Variants in LRRC53 observed in about 807,000 individuals in gnomAD.
The protein encoded by LRRC53 is leucine-rich repeat-containing protein 53.
In LRRC53, 25 loss-of-function variants were observed where a neutral mutation model predicts 13.6. The ratio of observed to expected loss-of-function variants is 1.83; its 90% CI spans 1.34 to 2.56. The LOEUF is 2.56. Among genes scored for constraint, LRRC53 ranks in the 30% most tolerant of loss-of-function variants. LRRC53 has a pLI of 0.00. For missense variants in LRRC53, 527 were observed against 275.8 expected (o/e 1.91, Z -6.45); for synonymous variants, 204 against 109.8 (o/e 1.86, Z -5.37).
At chr1:74,531,130 T>C in the LRRC53 span, among the ~76,000 whole-genome samples, 1 of 152,172 alleles carries the variant, frequency 6.6e-6, no homozygotes, top group Non-Finnish European at 1.5e-5. Flanking sequence ...CATTTGCCAT[T>C]GAAAGAAAAC....
chr1:74,506,917 A>G (rs1375265130), intron 1 of LRRC53, among the ~76,000 whole-genome samples: 1 of 152,022 alleles, frequency 6.6e-6, no homozygotes, highest in Admixed American at 6.6e-5. Context: ...TTCATTTACC[A>G]CTTTCTACTT....
intron 1 of LRRC53, among the ~76,000 whole-genome samples, chr1:74,490,795 C>A (rs764971530): frequency 1.3e-5 from 2 of 152,262 alleles, no homozygotes; most frequent in South Asian, 2.1e-4. Flanking sequence ...GAAAGCAGGA[C>A]CCTAGATCTT....
the LRRC53 span, among the ~76,000 whole-genome samples, chr1:74,535,216 C>A: frequency 2.6e-5 from 4 of 152,130 alleles, no homozygotes; most frequent in South Asian, 8.3e-4. Flanking sequence ...GTGGCTCACA[C>A]CTGTAATCCA....
chr1:74,510,546 G>C (rs1429231026), intron 1 of LRRC53, among the ~76,000 whole-genome samples: 1 of 151,968 alleles, frequency 6.6e-6, no homozygotes, highest in Non-Finnish European at 1.5e-5. Context: ...TTGAGAGATT[G>C]TCAAATCTCT....
chr1:74,473,154 T>C (rs1424661092), intron 4 of LRRC53, among the ~76,000 whole-genome samples: 1 of 152,150 alleles, frequency 6.6e-6, no homozygotes, highest in African/African-American at 2.4e-5. Flanking sequence ...AGCTAGGCAT[T>C]GTGCTCATAA....
chr1:74,531,026 A>G, the LRRC53 span, among the ~76,000 whole-genome samples: 1 of 152,156 alleles, frequency 6.6e-6, no homozygotes, highest in Non-Finnish European at 1.5e-5. Flanking sequence ...TCCTTTAAAA[A>G]TGGGGGAAGC....
At chr1:74,519,991 T>C in the LRRC53 span, among the ~76,000 whole-genome samples, 1 of 152,174 alleles carries the variant, frequency 6.6e-6, no homozygotes, top group Admixed American at 6.5e-5. Flanking sequence ...TTGCCCAAGC[T>C]CATTTATGTA....
chr1:74,502,066 C>G (rs1022290027), intron 1 of LRRC53, among the ~76,000 whole-genome samples: 1 of 151,984 alleles, frequency 6.6e-6, no homozygotes, highest in Admixed American at 6.6e-5. Flanking sequence ...TTGCTTGGAC[C>G]CATGATGTAT....
chr1:74,497,984 TTTTG>T (rs1034612222), intron 1 of LRRC53, among the ~76,000 whole-genome samples: 17 of 152,228 alleles, frequency 1.1e-4, no homozygotes, highest in East Asian at 5.8e-4. Context: ...TGGGAGGCTT[TTTTG>T]TTTGTTTGTT....
chr1:74,504,921 T>A (rs1357263257), intron 1 of LRRC53, among the ~76,000 whole-genome samples: 2 of 152,194 alleles, frequency 1.3e-5, no homozygotes, highest in African/African-American at 4.8e-5. Context: ...CCCAGCCACA[T>A]GAAGAGAACC....
At chr1:74,489,129 C>A in intron 1 of LRRC53, 1 of 1,461,534 alleles carries the variant, frequency 6.8e-7, no homozygotes, top group Non-Finnish European at 9.4e-7. Flanking sequence ...ATTTTAACAT[C>A]CAAAGAGAGT....
intron 4 of LRRC53, among the ~76,000 whole-genome samples, chr1:74,474,322 G>A (rs1668077755): frequency 6.6e-6 from 1 of 152,146 alleles, no homozygotes; most frequent in South Asian, 2.1e-4. Context: ...TCTTTCCTCA[G>A]CCATCCCTCT....
At chr1:74,511,401 C>T (rs1212510122) in intron 1 of LRRC53, among the ~76,000 whole-genome samples, 1 of 152,072 alleles carries the variant, frequency 6.6e-6, no homozygotes, top group Non-Finnish European at 1.5e-5. Flanking sequence ...CCATGTTGGC[C>T]TCGAACTCCT....
chr1:74,500,419 C>T (rs9425137), intron 1 of LRRC53, among the ~76,000 whole-genome samples: 2,273 of 151,008 alleles, frequency 0.015, 59 homozygotes, highest in African/African-American at 0.051. Flanking sequence ...GGCTAAAAAA[C>T]GGTGAAACCC....
Position 74,475,363 on chromosome 1 carries a change from T to C in LRRC53, c.1352A>G (p.Lys451Arg), listed in dbSNP as rs1668144787. The C allele has an allele frequency of 1.4e-6, 1 of 716,078 alleles. No homozygotes were observed. Among genetic ancestry groups the C allele is most frequent in the Non-Finnish European group, 2.6e-6 (1 of 384,544 alleles). 44.4% of individuals were successfully genotyped at this position (716,078 alleles called of 1,614,324 possible). The stretch of plus-strand genomic sequence containing the variant: ...TTCTCCAGGCTCAAGATTCCATAGC[T>C]TTTGAACTTTCCTTGGATTATATGT... Reference protein sequence around the residue: ...LTTYNPRKVQKLWNLEPGEVQ... With the variant: ...LTTYNPRKVQRLWNLEPGEVQ... Residue 451 changes from lysine (K) to arginine (R), a missense_variant, in exon 4 of 5, where the codon AAG becomes AGG. Transcript: ENST00000294635.
At chr1:74,493,708 C>A (rs759720629) in intron 1 of LRRC53, among the ~76,000 whole-genome samples, 5 of 152,164 alleles carry the variant, frequency 3.3e-5, no homozygotes, top group Admixed American at 2.0e-4. Context: ...GGTCTATCAA[C>A]CTCCTTGGAC....
At chr1:74,534,776 T>G in the LRRC53 span, among the ~76,000 whole-genome samples, 2 of 152,196 alleles carry the variant, frequency 1.3e-5, no homozygotes, top group Non-Finnish European at 2.9e-5. Context: ...GATTTCCTAG[T>G]GCCAGCCTTA....
upstream of LRRC53, among the ~76,000 whole-genome samples, chr1:74,516,624 A>G (rs971183966): frequency 6.6e-6 from 1 of 152,164 alleles, no homozygotes; most frequent in Admixed American, 6.5e-5. Flanking sequence ...CCTTGCTACT[A>G]TGGGCCATGG....
chr1:74,494,368 G>A (rs1297255245), intron 1 of LRRC53, among the ~76,000 whole-genome samples: 4 of 152,158 alleles, frequency 2.6e-5, no homozygotes, highest in Admixed American at 1.3e-4. Flanking sequence ...ATGAAGAGAT[G>A]GGACTCTGAT....
Sources: gnomAD v4.1 joint callset for allele counts (sites outside exome capture counted in the v4.1 genomes callset) on GRCh38, gnomAD v4.1.1 for gene constraint, MANE v1.5 for transcripts, NCBI Gene and HGNC (gene_info 2026-07-23, HGNC 2026-07-21) for gene names.